Variants in AHI1 observed in about 807,000 individuals in gnomAD.
AHI1 encodes the protein jouberin.
In AHI1, 123 loss-of-function variants were observed where a neutral mutation model predicts 149.3. The ratio of observed to expected loss-of-function variants is 0.82; its 90% CI spans 0.71 to 0.96. The LOEUF is 0.96. Among genes scored for constraint, AHI1 ranks in the 40% least tolerant of loss-of-function variants. AHI1 has a pLI of 0.00. For synonymous variants in AHI1, 475 were observed against 459.8 expected, an observed-to-expected ratio of 1.03 and a Z score of -0.42; for missense variants, 1,439 against 1,422.7, an observed-to-expected ratio of 1.01 and a Z score of -0.18.
At position 135,463,249 on chromosome 6, in the gene AHI1, A is replaced by G. The variant is rs1790211577; in HGVS notation, c.807T>C (p.Val269=). 2 of 1,610,534 alleles carry G rather than the reference A, an allele frequency of 1.2e-6. No individual in the cohort carries two copies. The highest frequency in any genetic ancestry group is 1.7e-6 in the Non-Finnish European group (2 of 1,179,354). ...GATGAGAATCTGAAGAAACTGATCT[A>G]ACTGAAGATTCTTTCTTTTGTTCAC... is the stretch of plus-strand genomic sequence containing the variant. ...VEGEQKKESS[V]RSVSSDSHQD... The change falls in exon 8 of 29, where the codon GTT becomes GTC. Residue 269 remains valine, a synonymous_variant. Transcript: ENST00000265602.
chr6:135,335,495 T>C (rs1208284486), intron 24 of AHI1, among the ~76,000 whole-genome samples: 1 of 151,854 alleles, frequency 6.6e-6, no homozygotes, highest in Admixed American at 6.6e-5. Context: ...GGATGTTACA[T>C]TGTATTTGGT....
chr6:135,334,218 C>T (rs1009158243), intron 24 of AHI1, among the ~76,000 whole-genome samples: 2 of 152,158 alleles, frequency 1.3e-5, no homozygotes, highest in Non-Finnish European at 2.9e-5. Flanking sequence ...TTGTGCCCCT[C>T]AAATTCATAT....
Position 135,488,204 on chromosome 6 carries a change from C to T in AHI1, c.135+2419G>A, listed in dbSNP as rs138728767. Among the ~76,000 whole-genome samples, 48 of 152,278 alleles carry T rather than the reference C, an allele frequency of 3.2e-4. No homozygotes were observed. The East Asian group carries it at 8.5e-3, about 27-fold the overall frequency. On this transcript the variant is annotated intron_variant, in intron 5 of 28. Coordinates refer to ENST00000265602, the MANE Select transcript of AHI1 (RefSeq NM_001134831.2). ...ATTTTGCCTGGAATGCAGGATGACT[C>T]ATCTCTTCAGAAATCTCAGCAAGGT...
At chr6:135,415,352 T>C (rs1040914924) in intron 20 of AHI1, among the ~76,000 whole-genome samples, 3 of 152,144 alleles carry the variant, frequency 2.0e-5, no homozygotes, top group African/African-American at 4.8e-5. Context: ...CTGTGTCAAA[T>C]GGTATTTCTA....
At chr6:135,387,264 C>T (rs1203046537) in intron 23 of AHI1, among the ~76,000 whole-genome samples, 2 of 152,102 alleles carry the variant, frequency 1.3e-5, no homozygotes, top group African/African-American at 2.4e-5. Context: ...TTTGATACCT[C>T]TGGGGATTAT....
chr6:135,400,238 C>G (rs1779833050), intron 22 of AHI1, among the ~76,000 whole-genome samples: 1 of 151,852 alleles, frequency 6.6e-6, no homozygotes, highest in Non-Finnish European at 1.5e-5. Context: ...CAAAAATATC[C>G]AAATATACGT....
At chr6:135,413,861 G>A (rs1248854988) in intron 20 of AHI1, among the ~76,000 whole-genome samples, 1 of 152,074 alleles carries the variant, frequency 6.6e-6, no homozygotes, top group Non-Finnish European at 1.5e-5. Flanking sequence ...AACTGACAAA[G>A]CAATTTGTCA....
intron 24 of AHI1, among the ~76,000 whole-genome samples, chr6:135,338,066 G>A (rs1429987753): frequency 1.3e-5 from 2 of 152,230 alleles, no homozygotes; most frequent in East Asian, 3.9e-4. Flanking sequence ...CGGAGGCCGA[G>A]GTGGGTGGAT....
chr6:135,426,069 T>C (rs1783871086), intron 20 of AHI1, among the ~76,000 whole-genome samples: 1 of 151,752 alleles, frequency 6.6e-6, no homozygotes. Flanking sequence ...TTAGAGTGGG[T>C]ACAAAGAGAG....
At chr6:135,386,335 G>A (rs2128473970) in intron 23 of AHI1, among the ~76,000 whole-genome samples, 1 of 151,088 alleles carries the variant, frequency 6.6e-6, no homozygotes, top group Admixed American at 6.6e-5. Flanking sequence ...TTTTGAGACG[G>A]AGTCTCGCTC....
intron 20 of AHI1, among the ~76,000 whole-genome samples, chr6:135,424,819 T>A (rs1783708939): frequency 6.6e-6 from 1 of 151,948 alleles, no homozygotes; most frequent in African/African-American, 2.4e-5. Context: ...ATCTGATAAT[T>A]TTTTTTAAAC....
intron 20 of AHI1, among the ~76,000 whole-genome samples, chr6:135,416,823 C>T (rs1046411757): frequency 6.6e-6 from 1 of 152,058 alleles, no homozygotes; most frequent in Middle Eastern, 3.4e-3. Flanking sequence ...CTAGTGAGTA[C>T]CAAAGGATAT....
intron 15 of AHI1, 135 bp downstream of exon 15, chr6:135,438,240 C>T (rs1264497321): frequency 5.3e-6 from 4 of 758,294 alleles, no homozygotes; most frequent in Non-Finnish European, 7.6e-6. Flanking sequence ...AATCAGTCTG[C>T]ATGATGCATA....
intron 23 of AHI1, among the ~76,000 whole-genome samples, chr6:135,393,508 T>C (rs1180669141): frequency 6.6e-6 from 1 of 152,076 alleles, no homozygotes; most frequent in African/African-American, 2.4e-5. Context: ...CCAAGCCAAG[T>C]ATCTATTTAG....
chr6:135,435,977 T>C lies in AHI1; in HGVS notation c.2036+2398A>G, dbSNP rs144065336. ...GGTGGATAAGGATGCCATTAAAATATATGTAAGAGAATTAAAAGAGGAAAA... is the reference window on the plus strand; with the variant it reads ...GGTGGATAAGGATGCCATTAAAATACATGTAAGAGAATTAAAAGAGGAAAA... On this transcript the variant is annotated intron_variant, in intron 15 of 28. Coordinates refer to ENST00000265602, the MANE Select transcript of AHI1 (RefSeq NM_001134831.2). Among the ~76,000 whole-genome samples, 107 of 152,264 alleles carry C rather than the reference T, an allele frequency of 7.0e-4. 1 individual carries two copies. The East Asian group carries it at 0.019, about 27-fold the overall frequency.
At chr6:135,493,789 TC>T (rs138215144) in intron 3 of AHI1, among the ~76,000 whole-genome samples, 3,763 of 152,310 alleles carry the variant, frequency 0.025, 159 homozygotes, top group African/African-American at 0.086. Context: ...ATGTCTGTAA[TC>T]CCAATACTTG....
At chr6:135,386,882 C>T (rs145513985) in intron 23 of AHI1, among the ~76,000 whole-genome samples, 135 of 152,230 alleles carry the variant, frequency 8.9e-4, no homozygotes, top group Non-Finnish European at 9.3e-4. Context: ...TGGCCCACCT[C>T]GGCCTCCCAA....
intron 24 of AHI1, among the ~76,000 whole-genome samples, chr6:135,324,408 T>C (rs1190445723): frequency 4.6e-5 from 7 of 151,952 alleles, no homozygotes; most frequent in Admixed American, 4.6e-4. Flanking sequence ...TTAGATCTGA[T>C]ACACTGTATA....
In AHI1 at chr6:135,292,250, T is replaced by C. The variant is rs142460921; in HGVS notation, c.3486-1725A>G. On this transcript the variant is annotated intron_variant, in intron 27 of 28. Transcript: ENST00000265602. ...ACTTCTAGGCCCTATTCTTCTTGTT[T>C]ACCCCGTCGTGTCTATATGGTCTTA... 2.6e-3 allele frequency among the ~76,000 whole-genome samples: 400 copies of C among 152,288 alleles called. 2 individuals are homozygous for C. The highest frequency in any genetic ancestry group is 9.0e-3 in the African/African-American group (373 of 41,562).
Sources: allele counts gnomAD v4.1 joint callset (sites outside exome capture counted in the v4.1 genomes callset), GRCh38; gene constraint gnomAD v4.1.1; transcripts MANE v1.5; gene names NCBI Gene and HGNC (gene_info 2026-07-23, HGNC 2026-07-21).